Variants in CHD5 observed in about 807,000 individuals in gnomAD.
CHD5 encodes the protein ATP-dependent chromatin remodeler CHD5.
CHD5 carries 69 observed loss-of-function variants against 230.3 expected under a neutral mutation model. That is an observed-to-expected ratio of 0.30 (90% CI 0.25 to 0.37). CHD5 has a LOEUF of 0.37. Ranked by LOEUF, CHD5 falls within the 10% of genes least tolerant of loss-of-function variation. CHD5 has a pLI of 1.00. For missense variants in CHD5, 1,827 were observed against 2,622.8 expected (o/e 0.70, Z 6.63); for synonymous variants, 1,064 against 1,065.9 (o/e 1.00, Z 0.03).
At chr1:6,161,061 C>A (rs138707311) in intron 2 of CHD5, among the ~76,000 whole-genome samples, 1 of 151,972 alleles carries the variant, frequency 6.6e-6, no homozygotes, top group East Asian at 1.9e-4. Context: ...AAGACAGAAC[C>A]GGAGAGATAA....
chr1:6,133,134 G>A (rs1399472193), intron 20 of CHD5, among the ~76,000 whole-genome samples: 1 of 152,186 alleles, frequency 6.6e-6, no homozygotes, highest in South Asian at 2.1e-4. Flanking sequence ...GTTTGGAATT[G>A]GGGTTCATAG....
At position 6,121,393 on chromosome 1, in the gene CHD5, G is replaced by A. The variant is rs1362674108; in HGVS notation, c.4779+101C>T. On this transcript the variant is annotated intron_variant, in intron 32 of 41. Coordinates refer to ENST00000262450, the MANE Select transcript of CHD5 (RefSeq NM_015557.3). The surrounding 1 kb of genome is among the most constrained non-coding windows in gnomAD (Gnocchi z 4.5). ...TTCAGAGCCCCGAAAAGGGAGCCAG[G>A]AGGCCTGGGTTCCACCTCGCTGTAC... 2.7e-6 allele frequency: 4 copies of A among 1,483,514 alleles called. No individual in the cohort carries two copies. The highest frequency in any genetic ancestry group is 3.7e-6 in the Non-Finnish European group (4 of 1,076,374). 91.9% of individuals were successfully genotyped at this position (1,483,514 alleles called of 1,614,324 possible). A position where few individuals can be genotyped will look rare whatever the true frequency, so the allele number is the denominator to read the frequency against.
Position 6,106,738 on chromosome 1 carries a change from C to A in CHD5, c.5620G>T (p.Asp1874Tyr). 2 of 1,611,750 alleles carry A rather than the reference C, an allele frequency of 1.2e-6. No individual in the cohort carries two copies. Among genetic ancestry groups the A allele is most frequent in the Non-Finnish European group, 1.7e-6 (2 of 1,179,716 alleles). ...AGCATGGATGGCAGCCGGGTCACGTCGGCCTTCATGTCGCTCAGCAGCTCC... is the reference window on the plus strand; with the variant it reads ...AGCATGGATGGCAGCCGGGTCACGTAGGCCTTCATGTCGCTCAGCAGCTCC... The part of the protein sequence containing the change: ...LEELLSDMKA[D>Y]VTRLPSMLSR... Residue 1874 changes from aspartate to tyrosine, a missense_variant, in exon 39 of 42, where the codon GAC becomes TAC. Asp to Tyr is a radical substitution (Grantham distance 160, BLOSUM62 -3). Coordinates refer to ENST00000262450, the MANE Select transcript of CHD5 (RefSeq NM_015557.3).
chr1:6,130,454 C>T lies in CHD5; in HGVS notation c.3263-126G>A, dbSNP rs1016152490. On this transcript the variant is annotated intron_variant, in intron 21 of 41. Transcript: ENST00000262450. The surrounding 1 kb of genome is among the most constrained non-coding windows in gnomAD (Gnocchi z 4.9). ...GATCCCTGGCAGAGAAGGACAAAGC[C>T]GGAGACCCCATCAGAGACGGGTGGC... 12 of 908,528 alleles carry T rather than the reference C, an allele frequency of 1.3e-5. No individual in the cohort carries two copies. The African/African-American group carries it at 1.3e-4, about 10-fold the overall frequency. The allele number at this position is 908,528 out of a possible 1,614,324, so 56.3% of individuals were successfully genotyped here.
chr1:6,112,875 G>A (rs774154136), intron 34 of CHD5, 34 bp downstream of exon 34: 3 of 1,522,112 alleles, frequency 2.0e-6, no homozygotes, highest in Non-Finnish European at 2.7e-6. Context: ...AGGGACCATG[G>A]GGCACAGGTA....
intron 31 of CHD5, among the ~76,000 whole-genome samples, chr1:6,122,801 G>A (rs536536520): frequency 6.6e-6 from 1 of 152,346 alleles, no homozygotes; most frequent in South Asian, 2.1e-4. Context: ...CAGGCGCGGT[G>A]GCTCACGCCT....
chr1:6,142,360 C>A lies in CHD5; in HGVS notation c.2236-32G>T. Reference sequence around the variant, plus strand: ...AGAGAGGCCGATGCCGTGAGACCACCTGCCCTTGGCCAGGACCAGCCACCC... The same window carrying A: ...AGAGAGGCCGATGCCGTGAGACCACATGCCCTTGGCCAGGACCAGCCACCC... On this transcript the variant is annotated intron_variant, in intron 14 of 41. Transcript: ENST00000262450. The surrounding 1 kb of genome is among the most constrained non-coding windows in gnomAD (Gnocchi z 5.2). The A allele has an allele frequency of 1.3e-6, 2 of 1,596,148 alleles. No individual in the cohort carries two copies. The highest frequency in any genetic ancestry group is 2.2e-5 in the East Asian group (1 of 44,450).
intron 33 of CHD5, 87 bp from the exon 34 acceptor site, chr1:6,113,085 C>T: frequency 1.1e-6 from 1 of 897,654 alleles, no homozygotes; most frequent in Non-Finnish European, 1.8e-6. Flanking sequence ...CCCATGGAAC[C>T]CTATCCATCA....
In CHD5 at chr1:6,134,444, CG is replaced by C. The variant is rs2100850800; in HGVS notation, c.3013-186del. On this transcript the variant is annotated intron_variant, in intron 19 of 41. Coordinates refer to ENST00000262450, the MANE Select transcript of CHD5 (RefSeq NM_015557.3). The surrounding 1 kb of genome is among the most constrained non-coding windows in gnomAD (Gnocchi z 6.3). ...AGTGCGGGGTAGACCGTGGGTCCCA[CG>C]GCCCTGGCTCCAGGCCCCCCGTTCC... 6.6e-6 allele frequency among the ~76,000 whole-genome samples: 1 copy of C among 152,328 alleles called. No individual in the cohort carries two copies. The highest frequency in any genetic ancestry group is 1.9e-4 in the East Asian group (1 of 5,174).
At position 6,154,589 on chromosome 1, in the gene CHD5, G is replaced by A; in HGVS notation, c.745+71C>T. On this transcript the variant is annotated intron_variant, in intron 5 of 41. Transcript: ENST00000262450. The surrounding 1 kb of genome is among the most constrained non-coding windows in gnomAD (Gnocchi z 7.0). ...CCCTCCCTGCCCGCGTCTGCCCCGT[G>A]GCTTCTCCTATAGGGTCTGAAAGGG... The A allele has an allele frequency of 7.2e-7, 1 of 1,398,492 alleles. No individual in the cohort carries two copies. The highest frequency in any genetic ancestry group is 9.6e-7 in the Non-Finnish European group (1 of 1,044,354). The allele number at this position is 1,398,492 out of a possible 1,614,324, so 86.6% of individuals were successfully genotyped here.
At position 6,125,936 on chromosome 1, in the gene CHD5, C is replaced by T; in HGVS notation, c.4079-78G>A. 1 of 1,030,910 alleles carries T rather than the reference C, an allele frequency of 9.7e-7. No individual in the cohort carries two copies. Among genetic ancestry groups the T allele is most frequent in the Non-Finnish European group, 1.5e-6 (1 of 667,800 alleles). 63.9% of individuals were successfully genotyped at this position (1,030,910 alleles called of 1,614,324 possible). On this transcript the variant is annotated intron_variant, in intron 26 of 41. Transcript: ENST00000262450. The surrounding 1 kb of genome is among the most constrained non-coding windows in gnomAD (Gnocchi z 6.7). The stretch of plus-strand genomic sequence containing the variant: ...CCCTCAAGTTCAAGCATGCCCAGGG[C>T]CACGCCGAGCCCCTGCACCCCAGCT...
rs797020394 is a variant in CHD5, at chr1:6,156,583, G to A, written c.388-866C>T. 3.7e-4 allele frequency among the ~76,000 whole-genome samples: 57 copies of A among 152,080 alleles called. 1 individual carries two copies. Among genetic ancestry groups the A allele is most frequent in the African/African-American group, 1.3e-3 (52 of 41,470 alleles). On this transcript the variant is annotated intron_variant, in intron 3 of 41. Coordinates refer to ENST00000262450, the MANE Select transcript of CHD5 (RefSeq NM_015557.3). ...ACATGAGGCCTCCCCAGGATGCCAG[G>A]TATAGCTACGTCAGCCCTTGTGAAG...
Position 6,108,552 on chromosome 1 carries a change from G to A in CHD5, c.5578+1243C>T, listed in dbSNP as rs530867800. ...TGACGGAGAGATGGAAGGATGAAGG[G>A]ATGGAGGTATGATGAAGGGATAATG... is the stretch of plus-strand genomic sequence containing the variant. On this transcript the variant is annotated intron_variant, in intron 38 of 41. Transcript: ENST00000262450. Among the ~76,000 whole-genome samples the A allele has an allele frequency of 2.7e-5, 4 of 147,382 alleles. No homozygotes were observed. In the East Asian group the frequency reaches 8.6e-4, roughly 32 times the overall value.
intron 33 of CHD5, among the ~76,000 whole-genome samples, chr1:6,113,783 A>G (rs2100833962): frequency 6.6e-6 from 1 of 152,238 alleles, no homozygotes; most frequent in East Asian, 1.9e-4. Flanking sequence ...CCCACACCCA[A>G]CGCCTTGTCC....
intron 33 of CHD5, among the ~76,000 whole-genome samples, chr1:6,115,013 C>CAA (rs58602687): frequency 6.6e-5 from 9 of 136,312 alleles, no homozygotes; most frequent in East Asian, 2.3e-4. Context: ...GACTCCATCT[C>CAA]AAAAAAAAAA....
rs1667055574 is a variant in CHD5, at chr1:6,154,764, GCCA to G, written c.638_640del (p.Val213del). ...GATGGTGACCGTCTCTACAGCCGCA[GCCA>G]CCGCCGCCGCCGCTGCTGCCGCGGA... On this transcript the variant is annotated inframe_deletion, in exon 5 of 42. Coordinates refer to ENST00000262450, the MANE Select transcript of CHD5 (RefSeq NM_015557.3). The surrounding 1 kb of genome is among the most constrained non-coding windows in gnomAD (Gnocchi z 7.0). The G allele has an allele frequency of 6.2e-7, 1 of 1,612,254 alleles. No homozygotes were observed. Among genetic ancestry groups the G allele is most frequent in the Non-Finnish European group, 8.5e-7 (1 of 1,179,684 alleles).
intron 5 of CHD5, among the ~76,000 whole-genome samples, chr1:6,153,221 G>A (rs1388757944): frequency 1.3e-5 from 2 of 152,216 alleles, no homozygotes; most frequent in Admixed American, 6.5e-5. Context: ...CCATGGCGCC[G>A]CGGAAAATCT....
At chr1:6,137,338 C>G (rs1472619288) in intron 15 of CHD5, among the ~76,000 whole-genome samples, 3 of 152,180 alleles carry the variant, frequency 2.0e-5, no homozygotes, top group African/African-American at 2.4e-5. Flanking sequence ...AACTTCTGAA[C>G]TCAAGTGAAC....
At chr1:6,133,271 G>A (rs760548885) in intron 20 of CHD5, among the ~76,000 whole-genome samples, 5 of 152,132 alleles carry the variant, frequency 3.3e-5, no homozygotes, top group Non-Finnish European at 7.3e-5. Context: ...TGTTGGTACC[G>A]AGGTACTGGG....
Sources: allele counts gnomAD v4.1 joint callset (sites outside exome capture counted in the v4.1 genomes callset), GRCh38; gene constraint gnomAD v4.1.1; non-coding constraint Gnocchi (gnomAD v3.1); transcripts MANE v1.5; gene names NCBI Gene and HGNC (gene_info 2026-07-23, HGNC 2026-07-21).